The following PPEF1 variants were observed in gnomAD, a reference collection of about 807,000 sequenced individuals.
The protein encoded by PPEF1 is serine/threonine-protein phosphatase with EF-hands 1.
Under a neutral mutation model 53.3 loss-of-function variants are expected in PPEF1, and 12 were observed. The observed-to-expected ratio is 0.23, with a 90% CI of 0.14 to 0.36. The LOEUF (loss-of-function observed/expected upper bound fraction) is 0.36, where lower values mean the gene tolerates loss of function less well. PPEF1 is among the 10% of genes least tolerant of loss of function. The pLI, the probability that PPEF1 is intolerant of heterozygous loss-of-function variation, is 1.00. For missense variants in PPEF1, 334 were observed against 490.4 expected, an observed-to-expected ratio of 0.68 and a Z score of 3.01; for synonymous variants, 165 against 176.7, an observed-to-expected ratio of 0.93 and a Z score of 0.52.
At chrX:18,710,933 T>C (rs1159480930) in intron 1 of PPEF1, among the ~76,000 whole-genome samples, 1 of 110,838 alleles carries the variant, frequency 9.0e-6, no homozygotes, top group Non-Finnish European at 1.9e-5. Context: ...TCACCGTAAG[T>C]GTTTTTCAAT....
chrX:18,730,939 T>C (rs2044823959), intron 2 of PPEF1, among the ~76,000 whole-genome samples: 1 of 111,779 alleles, frequency 8.9e-6, no homozygotes, highest in African/African-American at 3.3e-5. Flanking sequence ...GGTCTCGAAC[T>C]CCTGACCTCA....
intron 10 of PPEF1, among the ~76,000 whole-genome samples, chrX:18,798,664 C>G (rs2046481649): frequency 9.0e-6 from 1 of 110,784 alleles, no homozygotes; most frequent in Non-Finnish European, 1.9e-5. Flanking sequence ...TGCTCTGTCG[C>G]CCAGGCTGGA....
chrX:18,732,250 C>G (rs1418065630), intron 2 of PPEF1, among the ~76,000 whole-genome samples: 1 of 112,886 alleles, frequency 8.9e-6, no homozygotes, highest in African/African-American at 3.2e-5. Flanking sequence ...TTTTGGTCAT[C>G]TATTCCTCAG....
intron 6 of PPEF1, among the ~76,000 whole-genome samples, chrX:18,764,086 CAGGCTGACTGCAGTGAGGGCCTT>C (rs1356449046): frequency 8.1e-5 from 9 of 111,537 alleles, no homozygotes; most frequent in Non-Finnish European, 1.5e-4. Context: ...TGTCAGGGAG[CAGGCTGACTGCAGTGAGGGCCTT>C]AGGAGGTAGG....
upstream of PPEF1, among the ~76,000 whole-genome samples, chrX:18,702,927 A>G (rs2044114611): frequency 9.0e-6 from 1 of 111,189 alleles, no homozygotes; most frequent in South Asian, 3.8e-4. Flanking sequence ...GCGTTTGTGA[A>G]CCCTGTGGAA....
upstream of PPEF1, among the ~76,000 whole-genome samples, chrX:18,702,886 C>T (rs979780042): frequency 5.9e-4 from 65 of 111,034 alleles, no homozygotes; most frequent in African/African-American, 2.0e-3. Context: ...ATCCACCCAG[C>T]GGCTCATGTT....
At position 18,797,945 on chromosome X, in the gene PPEF1, C is replaced by T. The variant is rs756395683; in HGVS notation, c.1066-5947C>T. 6.0e-3 allele frequency among the ~76,000 whole-genome samples: 663 copies of T among 110,987 alleles called. 4 individuals carry two copies. Among genetic ancestry groups the T allele is most frequent in the Middle Eastern group, 9.5e-3 (2 of 211 alleles). Reference sequence around the variant, plus strand: ...CTCGACCTCATGATCCGCCCTGCCTCGGCCTCCCAAAGTGCTGGGATTACA... The same window carrying T: ...CTCGACCTCATGATCCGCCCTGCCTTGGCCTCCCAAAGTGCTGGGATTACA... On this transcript the variant is annotated intron_variant, in intron 10 of 15. Coordinates refer to ENST00000470157, the MANE Select transcript of PPEF1 (RefSeq NM_001377996.1).
At chrX:18,676,778 C>A (rs933480449) in intron 1 of PPEF1, among the ~76,000 whole-genome samples, 1 of 112,004 alleles carries the variant, frequency 8.9e-6, no homozygotes, top group Non-Finnish European at 1.9e-5. Context: ...TCCAGCCCCC[C>A]ACATCCCGAT....
intron 10 of PPEF1, among the ~76,000 whole-genome samples, chrX:18,798,235 A>T (rs944258890): frequency 9.1e-6 from 1 of 110,154 alleles, no homozygotes; most frequent in Non-Finnish European, 1.9e-5. Context: ...GTCTCACTAT[A>T]TTGCCCAGAC....
At chrX:18,735,021 G>A (rs1190684674) in intron 3 of PPEF1, among the ~76,000 whole-genome samples, 1 of 111,981 alleles carries the variant, frequency 8.9e-6, no homozygotes, top group African/African-American at 3.2e-5. Flanking sequence ...GTAGATTCTG[G>A]ATATTAGCCC....
intron 3 of PPEF1, among the ~76,000 whole-genome samples, chrX:18,745,101 T>TA (rs1290534487): frequency 1.0e-5 from 1 of 96,489 alleles, no homozygotes; most frequent in Non-Finnish European, 2.0e-5. Context: ...ATATATTATA[T>TA]ATTATATAAT....
chrX:18,763,700 T>A (rs1460015846), intron 6 of PPEF1, among the ~76,000 whole-genome samples: 1 of 111,882 alleles, frequency 8.9e-6, no homozygotes, highest in African/African-American at 3.2e-5. Context: ...AAAGCATTTT[T>A]AAAATAATAA....
At position 18,740,274 on chromosome X, in the gene PPEF1, G is replaced by T. The variant is rs182909584; in HGVS notation, c.235+6466G>T. On this transcript the variant is annotated intron_variant, in intron 3 of 15. Coordinates refer to ENST00000470157, the MANE Select transcript of PPEF1 (RefSeq NM_001377996.1). Reference sequence around the variant, plus strand: ...GGCCATCTTGGAACCAAGATCAAGGGAACTTCATTTTTCATCCACAAAACT... The same window carrying T: ...GGCCATCTTGGAACCAAGATCAAGGTAACTTCATTTTTCATCCACAAAACT... Among the ~76,000 whole-genome samples the T allele has an allele frequency of 5.3e-5, 6 of 112,365 alleles. No homozygotes were observed. In the East Asian group the frequency reaches 1.7e-3, roughly 31 times the overall value.
At position 18,806,545 on chromosome X, in the gene PPEF1, G is replaced by A; in HGVS notation, c.1394G>A (p.Arg465Lys). ...ACGTGCTTTCAGCCTCTTCGCCAAA[G>A]GTGTGTATACTATACCGAGAGTGCT... ...KATCFQPLRQ[R>K]VDTMENSAIK... Residue 465 changes from arginine (R) to lysine (K), a missense_variant and splice_region_variant, in exon 12 of 16, where the codon AGA becomes AAA. By Grantham distance (26) the Arg-to-Lys change is conservative. Transcript: ENST00000470157. 8.3e-7 allele frequency: 1 copy of A among 1,206,004 alleles called. No homozygotes were observed. Among genetic ancestry groups the A allele is most frequent in the Non-Finnish European group, 1.1e-6 (1 of 892,379 alleles).
intron 12 of PPEF1, among the ~76,000 whole-genome samples, chrX:18,815,579 C>T (rs1434163269): frequency 8.9e-6 from 1 of 111,875 alleles, no homozygotes; most frequent in African/African-American, 3.2e-5. Context: ...GCAATTTGTC[C>T]TTTTCATCTA....
chrX:18,764,662 G>A (rs141831877), intron 6 of PPEF1, among the ~76,000 whole-genome samples: 1 of 111,570 alleles, frequency 9.0e-6, no homozygotes, highest in Admixed American at 9.5e-5. Context: ...TCAGAAGTGC[G>A]GTCCGGCTAT....
Position 18,779,087 on chromosome X carries a change from C to G in PPEF1, c.636C>G (p.Ile212Met). Residue 212 changes from isoleucine to methionine, a missense_variant, in exon 7 of 16, where the codon ATC becomes ATG. Physicochemically the swap from Ile to Met is conservative, Grantham distance 10. Coordinates refer to ENST00000470157, the MANE Select transcript of PPEF1 (RefSeq NM_001377996.1). ...ATCGAGGAAAGAATTCCATAGAGATCCTAATGATCCTGTGTGTGAGTTTTC... is the reference window on the plus strand; with the variant it reads ...ATCGAGGAAAGAATTCCATAGAGATGCTAATGATCCTGTGTGTGAGTTTTC... ...FVDRGKNSIE[I>M]LMILCVSFLV... is the part of the protein sequence containing the mutation. The G allele has an allele frequency of 5.0e-6, 6 of 1,200,635 alleles. No individual in the cohort carries two copies. The highest frequency in any genetic ancestry group is 6.8e-6 in the Non-Finnish European group (6 of 886,754).
intron 12 of PPEF1, among the ~76,000 whole-genome samples, chrX:18,811,075 G>C (rs1182338709): frequency 8.9e-6 from 1 of 111,987 alleles, no homozygotes; most frequent in Admixed American, 9.5e-5. Flanking sequence ...TTTTGAGACA[G>C]AGTTTCACTC....
At chrX:18,714,489 T>G (rs899493036) in intron 1 of PPEF1, among the ~76,000 whole-genome samples, 1 of 110,653 alleles carries the variant, frequency 9.0e-6, no homozygotes, top group South Asian at 3.8e-4. Flanking sequence ...GCCAGGCTGG[T>G]CTTGAACTCC....
Sources: allele counts gnomAD v4.1 joint callset (sites outside exome capture counted in the v4.1 genomes callset), GRCh38; gene constraint gnomAD v4.1.1; transcripts MANE v1.5; gene names NCBI Gene and HGNC (gene_info 2026-07-23, HGNC 2026-07-21).